Variants in LRRC71 observed in about 807,000 individuals in gnomAD.
LRRC71 encodes leucine rich repeat containing 71.
A neutral mutation model predicts 66.6 loss-of-function variants in LRRC71; 54 were observed. The observed-to-expected ratio is 0.81, with a 90% confidence interval of 0.65 to 1.02. The LOEUF (loss-of-function observed/expected upper bound fraction) is 1.02. Among genes scored for constraint, LRRC71 ranks in the 50% least tolerant of loss-of-function variants. LRRC71 has a pLI of 0.00. For synonymous variants in LRRC71, 323 were observed against 303.9 expected (o/e 1.06, Z -0.65); for missense variants, 724 against 718.0 (o/e 1.01, Z -0.10).
Position 156,927,494 on chromosome 1 carries a change from A to T in LRRC71, c.663-2A>T. 1 of 1,524,700 alleles carries T rather than the reference A, an allele frequency of 6.6e-7. No individual in the cohort carries two copies. Among genetic ancestry groups the T allele is most frequent in the Non-Finnish European group, 8.8e-7 (1 of 1,136,716 alleles). The allele number at this position is 1,524,700 out of a possible 1,614,324, so 94.4% of individuals were successfully genotyped here. ...CCCACATTCTCCCTCCGGCTGCCCC[A>T]GGATTGCGCACTTGTCTCTGCGGAA... On this transcript the variant is annotated splice_acceptor_variant, in intron 6 of 14. Transcript: ENST00000337428. LOFTEE classifies it high-confidence loss of function.
In LRRC71 at chr1:156,933,008, A is replaced by G. The variant is rs530496744; in HGVS notation, c.*39A>G. 289 of 1,464,082 alleles carry G rather than the reference A, an allele frequency of 2.0e-4. No homozygotes were observed. The East Asian group carries it at 6.9e-3, about 35-fold the overall frequency. The allele number at this position is 1,464,082 out of a possible 1,614,324, so 90.7% of individuals were successfully genotyped here. On this transcript the variant is annotated 3_prime_UTR_variant, in exon 15 of 15. Transcript: ENST00000337428. The stretch of plus-strand genomic sequence containing the variant: ...GCTTGCCTCTAAGACTCGGGGCTAC[A>G]GAAGCACCTCCTGTCCCTGTGTGGG...
Position 156,927,596 on chromosome 1 carries a change from G to A in LRRC71, c.763G>A (p.Val255Ile), listed in dbSNP as rs745831829. 15 of 1,599,778 alleles carry A rather than the reference G, an allele frequency of 9.4e-6. No homozygotes were observed. The highest frequency in any genetic ancestry group is 1.2e-5 in the Non-Finnish European group (14 of 1,172,980). Residue 255 changes from valine to isoleucine, a missense_variant, in exon 7 of 15, where the codon GTC becomes ATC. Val to Ile is a conservative substitution (Grantham distance 29, BLOSUM62 3). Transcript: ENST00000337428. ...STLHSCNRTL[V>I]SLNLGFNHIG... Reference sequence around the variant, plus strand: ...GCTGCACAGCTGCAACCGGACCCTCGTCTCGCTCAACCTGGGTTTCAACCA... The same window carrying A: ...GCTGCACAGCTGCAACCGGACCCTCATCTCGCTCAACCTGGGTTTCAACCA...
intron 12 of LRRC71, among the ~76,000 whole-genome samples, 186 bp from the exon 13 acceptor site, chr1:156,931,730 C>T (rs1654396557): frequency 6.6e-6 from 1 of 151,500 alleles, no homozygotes; most frequent in Non-Finnish European, 1.5e-5. Flanking sequence ...CTTTCACTTT[C>T]TGGCTCCTCC....
chr1:156,940,599 A>C, the LRRC71 span, among the ~76,000 whole-genome samples: 1 of 152,250 alleles, frequency 6.6e-6, no homozygotes, highest in Non-Finnish European at 1.5e-5. Flanking sequence ...AACAGTAAGC[A>C]AAACAAAAAG....
chr1:156,929,833 C>T, intron 11 of LRRC71, 104 bp downstream of exon 11: 1 of 893,718 alleles, frequency 1.1e-6, no homozygotes, highest in South Asian at 1.7e-5. Context: ...CTGCCTGGAG[C>T]TCATCTCGCC....
chr1:156,923,572 A>G (rs1652712021), intron 1 of LRRC71, among the ~76,000 whole-genome samples: 1 of 152,086 alleles, frequency 6.6e-6, no homozygotes, highest in Non-Finnish European at 1.5e-5. Context: ...TCTCCCAGGG[A>G]CCCTGAGCAG....
In LRRC71 at chr1:156,920,708, C is replaced by A. The variant is rs922672228; in HGVS notation, c.-96C>A. 1 of 1,315,426 alleles carries A rather than the reference C, an allele frequency of 7.6e-7. No homozygotes were observed. The highest frequency in any genetic ancestry group is 9.8e-7 in the Non-Finnish European group (1 of 1,019,636). 81.5% of individuals were successfully genotyped at this position (1,315,426 alleles called of 1,614,324 possible). On this transcript the variant is annotated 5_prime_UTR_variant, in exon 1 of 15. Coordinates refer to ENST00000337428, the MANE Select transcript of LRRC71 (RefSeq NM_144702.3). The surrounding 1 kb of genome is among the most constrained non-coding windows in gnomAD (Gnocchi z 4.9). ...CGGTCCCTGGACGCGGAACAGAGAT[C>A]CCCTGATTCAGCCACCCCCAGACTG...
chr1:156,937,115 G>A, downstream of LRRC71: 1 of 1,565,822 alleles, frequency 6.4e-7, no homozygotes, highest in Non-Finnish European at 8.7e-7. Context: ...AAGGGTGGCT[G>A]GGCGGGCTGG....
At chr1:156,932,214 G>A (rs926894850) in intron 13 of LRRC71, 187 bp downstream of exon 13, 10 of 665,168 alleles carry the variant, frequency 1.5e-5, no homozygotes, top group Non-Finnish European at 2.6e-5. Flanking sequence ...AGGAGGCTGA[G>A]GACAGGCGAT....
intron 9 of LRRC71, among the ~76,000 whole-genome samples, chr1:156,928,563 CTTTTTTT>C (rs58180096): frequency 1.7e-4 from 14 of 80,224 alleles, no homozygotes; most frequent in South Asian, 5.7e-4. Context: ...CTTCTTCTTA[CTTTTTTT>C]TTTTTTTTTT....
intron 6 of LRRC71, 71 bp from the exon 7 acceptor site, chr1:156,927,425 A>C (rs532987558): frequency 2.0e-6 from 3 of 1,518,928 alleles, no homozygotes; most frequent in Admixed American, 4.1e-5. Context: ...TCAAGCGCTC[A>C]AGTCTCCCAT....
chr1:156,938,477 G>A, the LRRC71 span: 4 of 1,613,776 alleles, frequency 2.5e-6, no homozygotes, highest in Admixed American at 6.7e-5. Context: ...GCCACTCTCT[G>A]GTAGTGCAGG....
intron 14 of LRRC71, 144 bp from the exon 15 acceptor site, chr1:156,932,709 G>C (rs1295966035): frequency 7.1e-6 from 11 of 1,546,660 alleles, no homozygotes; most frequent in Admixed American, 1.7e-5. Flanking sequence ...CCTCTTGCTG[G>C]AAAATCAGCA....
At chr1:156,930,297 T>C (rs930955373) in intron 11 of LRRC71, among the ~76,000 whole-genome samples, 4 of 151,852 alleles carry the variant, frequency 2.6e-5, no homozygotes, top group African/African-American at 9.7e-5. Flanking sequence ...TTCACCATGT[T>C]GGCCAGGCTG....
At position 156,927,521 on chromosome 1, in the gene LRRC71, A is replaced by G. The variant is rs768912366; in HGVS notation, c.688A>G (p.Asn230Asp). 1.3e-6 allele frequency: 2 copies of G among 1,546,298 alleles called. No homozygotes were observed. Among genetic ancestry groups the G allele is most frequent in the East Asian group, 2.3e-5 (1 of 44,382 alleles). The change falls in exon 7 of 15, where the codon AAT (asparagine) becomes GAT (aspartate). Residue 230 changes from asparagine to aspartate, a missense_variant. By Grantham distance (23) the Asn-to-Asp change is conservative (BLOSUM62 1). Transcript: ENST00000337428. The stretch of plus-strand genomic sequence containing the variant: ...GATTGCGCACTTGTCTCTGCGGAAC[A>G]ATAACATCGACGACCGCGGGGCGCA... ...STIAHLSLRN[N>D]NIDDRGAQLL...
intron 3 of LRRC71, 29 bp from the exon 4 acceptor site, chr1:156,924,614 T>G (rs1227063312): frequency 6.5e-7 from 1 of 1,537,020 alleles, no homozygotes; most frequent in South Asian, 1.2e-5. Context: ...CTCCCAGGTC[T>G]GAGGCACCTG....
chr1:156,931,892 G>C, intron 12 of LRRC71, 24 bp from the exon 13 acceptor site: 1 of 1,541,560 alleles, frequency 6.5e-7, no homozygotes, highest in African/African-American at 1.4e-5. Flanking sequence ...GCTGTCTGCT[G>C]CAATTAGTAT....
chr1:156,929,614 T>C, intron 10 of LRRC71, 22 bp from the exon 11 acceptor site: 1 of 1,568,944 alleles, frequency 6.4e-7, no homozygotes, highest in Non-Finnish European at 8.6e-7. Context: ...GACTTGCCCC[T>C]CTCTTCTCAC....
the LRRC71 span, chr1:156,940,007 C>T: frequency 6.5e-7 from 1 of 1,542,306 alleles, no homozygotes; most frequent in Non-Finnish European, 8.7e-7. Flanking sequence ...GTGGTGACCT[C>T]AGGCACAGGT....
Sources: gnomAD v4.1 joint callset for allele counts (sites outside exome capture counted in the v4.1 genomes callset) on GRCh38, gnomAD v4.1.1 for gene constraint, Gnocchi (gnomAD v3.1) non-coding constraint, MANE v1.5 for transcripts, NCBI Gene and HGNC (gene_info 2026-07-23, HGNC 2026-07-21) for gene names.